Variants in PARP8 observed in about 807,000 individuals in gnomAD.
PARP8 encodes poly(ADP-ribose) polymerase family member 8, also known as protein mono-ADP-ribosyltransferase PARP8.
PARP8 carries 51 observed loss-of-function variants against 124.1 expected under a neutral mutation model. That is an observed-to-expected ratio of 0.41 (90% confidence interval 0.33 to 0.52). The LOEUF is 0.52. PARP8 is among the 20% of genes least tolerant of loss of function. PARP8 has a pLI of 0.21. For synonymous variants in PARP8, 391 were observed against 361.5 expected (o/e 1.08, Z -0.93); for missense variants, 860 against 1,018.9 (o/e 0.84, Z 2.12).
Position 50,769,441 on chromosome 5 carries a change from A to T in PARP8, c.518+6199A>T, listed in dbSNP as rs1171356563. Among the ~76,000 whole-genome samples the T allele has an allele frequency of 6.6e-5, 10 of 152,204 alleles. No homozygotes were observed. The East Asian group carries it at 1.9e-3, about 29-fold the overall frequency. ...AATGTAGGAAAAGGTCATTGTGATA[A>T]CCTGGCTGGTGTAATTATAAGTTGT... On this transcript the variant is annotated intron_variant, in intron 7 of 25. Transcript: ENST00000281631.
chr5:50,771,299 A>T (rs896844017), intron 7 of PARP8, among the ~76,000 whole-genome samples: 6 of 152,144 alleles, frequency 3.9e-5, no homozygotes, highest in African/African-American at 1.4e-4. Flanking sequence ...AGCTGAGACT[A>T]CAGGCATTTG....
rs570225781 is a variant in PARP8 at position 50,735,911 on chromosome 5, A to C, written c.147-14240A>C. On this transcript the variant is annotated intron_variant, in intron 2 of 25. Transcript: ENST00000281631. ...GCTTAAGAAAGTAAAAATGTAAACT[A>C]ATACCTGAAGGATGAGTAGGATCAA... Among the ~76,000 whole-genome samples the C allele has an allele frequency of 1.3e-3, 200 of 151,884 alleles. 1 individual carries two copies. The highest frequency in any genetic ancestry group is 4.8e-3 in the African/African-American group (199 of 41,416).
At chr5:50,699,817 T>C (rs553038241) in intron 2 of PARP8, among the ~76,000 whole-genome samples, 1 of 152,228 alleles carries the variant, frequency 6.6e-6, no homozygotes, top group South Asian at 2.1e-4. Flanking sequence ...CTATGGACCA[T>C]ATTTTGAGTA....
intron 2 of PARP8, among the ~76,000 whole-genome samples, chr5:50,684,222 C>G (rs1336699223): frequency 6.6e-6 from 1 of 152,078 alleles, no homozygotes; most frequent in Non-Finnish European, 1.5e-5. Context: ...AATAAAGACT[C>G]GACTTCTAAA....
intron 7 of PARP8, among the ~76,000 whole-genome samples, chr5:50,773,832 AT>A (rs35571636): frequency 0.15 from 19,851 of 136,028 alleles, 1,336 homozygotes; most frequent in East Asian, 0.2. Flanking sequence ...TATTTCATTA[AT>A]TTTTTTTTTT....
At chr5:50,764,673 A>C (rs1355297005) in intron 7 of PARP8, among the ~76,000 whole-genome samples, 3 of 152,220 alleles carry the variant, frequency 2.0e-5, no homozygotes, top group Non-Finnish European at 4.4e-5. Context: ...TTAGCAAATT[A>C]GCTGCAATAA....
At chr5:50,756,449 T>C (rs1759966257) in intron 3 of PARP8, among the ~76,000 whole-genome samples, 1 of 152,080 alleles carries the variant, frequency 6.6e-6, no homozygotes, top group Non-Finnish European at 1.5e-5. Context: ...GTCAAAATAA[T>C]TTGAGGAAGA....
rs1748615267 is a variant in PARP8, at chr5:50,846,408, T to C, written c.*4340T>C. The C allele has an allele frequency of 6.6e-6, 1 of 151,840 alleles. No homozygotes were observed. The highest frequency in any genetic ancestry group is 1.5e-5 in the Non-Finnish European group (1 of 67,830). The allele number at this position is 151,840 out of a possible 1,614,324, so 9.4% of individuals were successfully genotyped here. A position where few individuals can be genotyped will look rare whatever the true frequency, so the allele number is the denominator to read the frequency against. Reference sequence around the variant, plus strand: ...AAATATTTTCTCTATTCACTTTTTATTGCTCTTGCTTTCTATTGCTACTAA... The same window carrying C: ...AAATATTTTCTCTATTCACTTTTTACTGCTCTTGCTTTCTATTGCTACTAA... On this transcript the variant is annotated 3_prime_UTR_variant, in exon 26 of 26. Transcript: ENST00000281631.
At chr5:50,788,681 A>G in intron 10 of PARP8, 92 bp downstream of exon 10, 1 of 863,308 alleles carries the variant, frequency 1.2e-6, no homozygotes, top group South Asian at 2.2e-5. Flanking sequence ...AAACCTATTC[A>G]GTAAGAACTT....
At chr5:50,721,041 A>G (rs764952226) in intron 2 of PARP8, among the ~76,000 whole-genome samples, 3 of 150,822 alleles carry the variant, frequency 2.0e-5, no homozygotes, top group Admixed American at 6.6e-5. Context: ...CCTCTGCTAC[A>G]TGTCAGGAGA....
chr5:50,786,484 C>G (rs1028421663), intron 9 of PARP8, among the ~76,000 whole-genome samples: 2 of 151,818 alleles, frequency 1.3e-5, no homozygotes, highest in African/African-American at 4.8e-5. Flanking sequence ...CCCACCTCAG[C>G]CTCCTAAGTA....
chr5:50,698,717 C>T (rs1482425448), intron 2 of PARP8, among the ~76,000 whole-genome samples: 2 of 152,066 alleles, frequency 1.3e-5, no homozygotes, highest in Non-Finnish European at 2.9e-5. Context: ...ACTGGAAAAA[C>T]TAAAAGTGAA....
At chr5:50,731,105 C>T (rs560894325) in intron 2 of PARP8, among the ~76,000 whole-genome samples, 13 of 152,312 alleles carry the variant, frequency 8.5e-5, no homozygotes, top group Admixed American at 7.2e-4. Context: ...CCTGGCTCTG[C>T]TTCTGGTTCC....
intron 2 of PARP8, among the ~76,000 whole-genome samples, chr5:50,692,830 C>T (rs1752642551): frequency 6.6e-6 from 1 of 152,136 alleles, no homozygotes; most frequent in African/African-American, 2.4e-5. Context: ...TGATCTGTTA[C>T]AGCACTTAAA....
intron 7 of PARP8, among the ~76,000 whole-genome samples, chr5:50,775,816 A>T (rs995048607): frequency 8.2e-4 from 125 of 151,986 alleles, no homozygotes; most frequent in African/African-American, 2.9e-3. Context: ...AGAGTTTTTT[A>T]TATATACGAT....
chr5:50,761,513 A>C (rs1177189118), intron 5 of PARP8, among the ~76,000 whole-genome samples: 1 of 152,066 alleles, frequency 6.6e-6, no homozygotes, highest in African/African-American at 2.4e-5. Flanking sequence ...AGCTTGCCAA[A>C]TGTTTTATCA....
chr5:50,747,761 CTTT>C (rs70972943), intron 2 of PARP8, among the ~76,000 whole-genome samples: 4 of 52,928 alleles, frequency 7.6e-5, no homozygotes, highest in East Asian at 5.3e-4. Context: ...ATAGACCTTG[CTTT>C]TTTTTTTTTT....
In PARP8 at chr5:50,842,575, A is replaced by AAAG. The variant is rs1294923220; in HGVS notation, c.*511_*513dup. ...CCCTATTCTATTTTTCTTCATAAAA[A>AAAG]AAGAAGTAGGTCTTAGAAGCAGTGC... On this transcript the variant is annotated 3_prime_UTR_variant, in exon 26 of 26. Transcript: ENST00000281631. 2 of 152,632 alleles carry AAAG rather than the reference A, an allele frequency of 1.3e-5. No homozygotes were observed. Among genetic ancestry groups the AAAG allele is most frequent in the African/African-American group, 4.8e-5 (2 of 41,388 alleles). 9.5% of individuals were successfully genotyped at this position (152,632 alleles called of 1,614,324 possible).
chr5:50,839,853 G>C (rs920073201), intron 25 of PARP8, among the ~76,000 whole-genome samples: 3 of 151,760 alleles, frequency 2.0e-5, no homozygotes, highest in Non-Finnish European at 4.4e-5. Flanking sequence ...ATAATATTTG[G>C]GTAGACAAAC....
Sources: allele counts gnomAD v4.1 joint callset (sites outside exome capture counted in the v4.1 genomes callset), GRCh38; gene constraint gnomAD v4.1.1; transcripts MANE v1.5; gene names NCBI Gene and HGNC (gene_info 2026-07-23, HGNC 2026-07-21).